The following ARMC2 variants were observed in gnomAD, a reference collection of about 807,000 sequenced individuals.
ARMC2 encodes the protein armadillo repeat-containing protein 2.
In ARMC2, 67 loss-of-function variants were observed where a neutral mutation model predicts 90.3. The observed-to-expected ratio is 0.74, with a 90% CI of 0.61 to 0.91. ARMC2 has a LOEUF of 0.91. Ranked by LOEUF, ARMC2 falls within the 40% of genes least tolerant of loss-of-function variation. ARMC2 has a pLI of 0.00. For synonymous variants in ARMC2, 393 were observed against 393.0 expected (o/e 1.00, Z 0.00); for missense variants, 920 against 1,030.9 (o/e 0.89, Z 1.47).
intron 10 of ARMC2, among the ~76,000 whole-genome samples, chr6:108,918,372 G>T (rs1398501967): frequency 6.6e-6 from 1 of 152,208 alleles, no homozygotes; most frequent in Non-Finnish European, 1.5e-5. Context: ...CGAGCGAGGG[G>T]TGTGAGGGGG....
At chr6:109,050,963 C>T in the ARMC2 span, among the ~76,000 whole-genome samples, 1 of 152,096 alleles carries the variant, frequency 6.6e-6, no homozygotes, top group African/African-American at 2.4e-5. Flanking sequence ...TATGAGTGGA[C>T]GTTTGTTATG....
chr6:108,904,017 A>T (rs575840658), intron 7 of ARMC2, among the ~76,000 whole-genome samples: 1 of 152,212 alleles, frequency 6.6e-6, no homozygotes, highest in South Asian at 2.1e-4. Context: ...CTAATGACTG[A>T]TAAGCAATAA....
intron 10 of ARMC2, among the ~76,000 whole-genome samples, chr6:108,919,177 T>A (rs1380366749): frequency 1.3e-5 from 2 of 152,208 alleles, no homozygotes; most frequent in Non-Finnish European, 2.9e-5. Flanking sequence ...AAGCAGTGAC[T>A]TAAGTTATTA....
the ARMC2 span, among the ~76,000 whole-genome samples, chr6:109,030,262 A>G: frequency 9.9e-5 from 15 of 152,230 alleles, no homozygotes; most frequent in Non-Finnish European, 2.1e-4. Flanking sequence ...GAGAGATATG[A>G]CAATCAAGAA....
chr6:109,047,273 C>T, the ARMC2 span, among the ~76,000 whole-genome samples: 4 of 95,176 alleles, frequency 4.2e-5, no homozygotes, highest in Non-Finnish European at 6.9e-5. Context: ...AGGGGCGCCT[C>T]TGCCCGGCCG....
Position 108,957,440 on chromosome 6 carries a change from G to A in ARMC2, c.1915+4089G>A, listed in dbSNP as rs1356650322. ...GACAGGCCTGGCAGCTTAGAGCAAC[G>A]CAGGGCCAGTGCTGGGCTGTGACTG... On this transcript the variant is annotated intron_variant, in intron 13 of 17. Coordinates refer to ENST00000392644, the MANE Select transcript of ARMC2 (RefSeq NM_032131.6). 4.6e-5 allele frequency among the ~76,000 whole-genome samples: 7 copies of A among 152,204 alleles called. No homozygotes were observed. In the South Asian group the frequency reaches 6.2e-4, roughly 14 times the overall value.
intron 3 of ARMC2, 115 bp downstream of exon 3, chr6:108,858,386 TAGACTAATAATTTAA>T: frequency 1.7e-6 from 1 of 593,226 alleles, no homozygotes; most frequent in Non-Finnish European, 2.8e-6. Context: ...TACACCTAAA[TAGACTAATAATTTAA>T]TATGAAAACA....
intron 12 of ARMC2, among the ~76,000 whole-genome samples, chr6:108,939,134 T>G (rs935625961): frequency 6.6e-6 from 1 of 152,218 alleles, no homozygotes; most frequent in African/African-American, 2.4e-5. Flanking sequence ...ATCCTAAAGT[T>G]TAAATTGGCA....
intron 12 of ARMC2, among the ~76,000 whole-genome samples, chr6:108,939,461 G>A (rs1247453461): frequency 6.6e-6 from 1 of 152,100 alleles, no homozygotes; most frequent in Non-Finnish European, 1.5e-5. Flanking sequence ...GTTTAAAAGT[G>A]TGTAGCACCT....
chr6:108,967,094 G>A (rs1236532828), intron 17 of ARMC2, among the ~76,000 whole-genome samples: 1 of 152,212 alleles, frequency 6.6e-6, no homozygotes, highest in Admixed American at 6.5e-5. Context: ...TGTGTCTGCT[G>A]TTAGGGAAAG....
chr6:108,957,651 G>A (rs1777697166), intron 13 of ARMC2, among the ~76,000 whole-genome samples: 1 of 152,228 alleles, frequency 6.6e-6, no homozygotes, highest in Non-Finnish European at 1.5e-5. Context: ...CTCTAGCCCT[G>A]CACCCTTCAC....
intron 5 of ARMC2, among the ~76,000 whole-genome samples, chr6:108,891,790 C>T (rs969772728): frequency 7.9e-5 from 12 of 152,130 alleles, no homozygotes; most frequent in Non-Finnish European, 1.8e-4. Context: ...GTTGCCATTG[C>T]TTTTGTTGTT....
intron 4 of ARMC2, among the ~76,000 whole-genome samples, chr6:108,872,824 T>C (rs370928156): frequency 2.6e-5 from 4 of 152,208 alleles, no homozygotes; most frequent in African/African-American, 7.2e-5. Flanking sequence ...GGGAACACTT[T>C]TGGCAAAATG....
At chr6:109,041,279 G>A in the ARMC2 span, among the ~76,000 whole-genome samples, 1 of 151,918 alleles carries the variant, frequency 6.6e-6, no homozygotes, top group African/African-American at 2.4e-5. Context: ...GCCAGTCTGG[G>A]TGGCAGAGTG....
chr6:108,880,459 A>G (rs1049318365), intron 5 of ARMC2, among the ~76,000 whole-genome samples: 2 of 152,166 alleles, frequency 1.3e-5, no homozygotes, highest in Non-Finnish European at 2.9e-5. Flanking sequence ...CAGGTTCACA[A>G]ACTATAAAGA....
At chr6:108,927,331 T>C (rs1775184062) in intron 10 of ARMC2, among the ~76,000 whole-genome samples, 1 of 152,162 alleles carries the variant, frequency 6.6e-6, no homozygotes, top group African/African-American at 2.4e-5. Context: ...CTCTACTTTA[T>C]TGAATGAGAA....
chr6:108,927,820 A>G (rs1775227266), intron 10 of ARMC2, among the ~76,000 whole-genome samples: 1 of 152,128 alleles, frequency 6.6e-6, no homozygotes, highest in African/African-American at 2.4e-5. Context: ...AACCTAGATG[A>G]TGGTTTGTTT....
chr6:108,915,716 G>A (rs1773894605), intron 10 of ARMC2, among the ~76,000 whole-genome samples: 1 of 152,126 alleles, frequency 6.6e-6, no homozygotes, highest in Admixed American at 6.5e-5. Flanking sequence ...GATTCTGTGT[G>A]GGAATCTTGG....
intron 10 of ARMC2, among the ~76,000 whole-genome samples, chr6:108,915,691 G>A (rs1382667659): frequency 6.6e-6 from 1 of 152,168 alleles, no homozygotes; most frequent in African/African-American, 2.4e-5. Context: ...AAGAGGTAGG[G>A]CTGTCTAGAG....
Sources: gnomAD v4.1 joint callset for allele counts (sites outside exome capture counted in the v4.1 genomes callset) on GRCh38, gnomAD v4.1.1 for gene constraint, MANE v1.5 for transcripts, NCBI Gene and HGNC (gene_info 2026-07-23, HGNC 2026-07-21) for gene names.